DRC8: variants seen among roughly 807,000 people sequenced by gnomAD.
The protein encoded by DRC8 is dynein regulatory complex subunit 8, also known as dynein regulatory complex protein 8.
At chr1:245,110,955 C>A in the DRC8 span, among the ~76,000 whole-genome samples, 567 of 152,218 alleles carry the variant, frequency 3.7e-3, no homozygotes, top group African/African-American at 0.012. Context: ...GAAGAAACTT[C>A]TACCTATGTC....
chr1:245,105,635 AAAAC>A, the DRC8 span, among the ~76,000 whole-genome samples: 2 of 150,974 alleles, frequency 1.3e-5, no homozygotes, highest in African/African-American at 2.4e-5. Context: ...AAAAAAAAAA[AAAAC>A]AAAAAACAAA....
At chr1:244,969,735 CCA>C in the DRC8 span, 1 of 199,236 alleles carries the variant, frequency 5.0e-6, no homozygotes, top group Non-Finnish European at 1.0e-5. Context: ...TGCGCCCGGC[CCA>C]GTTTTTCCGT....
At chr1:245,116,181 C>G in the DRC8 span, among the ~76,000 whole-genome samples, 3 of 151,908 alleles carry the variant, frequency 2.0e-5, no homozygotes, top group Admixed American at 1.3e-4. Flanking sequence ...AGCCACTGTG[C>G]CTGGCCTAAA....
chr1:245,119,344 GT>G, the DRC8 span, among the ~76,000 whole-genome samples: 11 of 147,828 alleles, frequency 7.4e-5, no homozygotes, highest in African/African-American at 2.0e-4. Context: ...AAATTGGAGA[GT>G]TTTTTTTTTT....
chr1:244,997,978 A>T, the DRC8 span, among the ~76,000 whole-genome samples: 2 of 152,012 alleles, frequency 1.3e-5, no homozygotes, highest in Non-Finnish European at 2.9e-5. Flanking sequence ...CTCTTCCACT[A>T]TCATTCTGGG....
chr1:245,010,792 C>G, the DRC8 span, among the ~76,000 whole-genome samples: 3 of 151,210 alleles, frequency 2.0e-5, no homozygotes, highest in African/African-American at 7.3e-5. Flanking sequence ...CGCCATTCTC[C>G]TGCCTCAGCC....
chr1:245,121,392 T>A, the DRC8 span, among the ~76,000 whole-genome samples: 1 of 152,226 alleles, frequency 6.6e-6, no homozygotes, highest in Non-Finnish European at 1.5e-5. Flanking sequence ...GATGCCATGA[T>A]CAGAATCCAA....
At chr1:245,042,905 A>G in the DRC8 span, among the ~76,000 whole-genome samples, 1 of 152,134 alleles carries the variant, frequency 6.6e-6, no homozygotes, top group Non-Finnish European at 1.5e-5. Context: ...CCAAGAACCA[A>G]GCTTCCCCGG....
the DRC8 span, among the ~76,000 whole-genome samples, chr1:245,114,444 GACA>G: frequency 6.6e-6 from 1 of 150,898 alleles, no homozygotes; most frequent in African/African-American, 2.5e-5. Context: ...CAGCCTGGGC[GACA>G]GAGTGAGACT....
the DRC8 span, among the ~76,000 whole-genome samples, chr1:244,975,310 C>T: frequency 6.6e-6 from 1 of 152,106 alleles, no homozygotes; most frequent in Non-Finnish European, 1.5e-5. Context: ...CCTGCCTGGC[C>T]TCATAGTAAC....
the DRC8 span, among the ~76,000 whole-genome samples, chr1:245,006,970 A>AC: frequency 0.51 from 72,640 of 143,536 alleles, 18,776 homozygotes; most frequent in East Asian, 0.68. Context: ...AACAACAACA[A>AC]AAAACCCCAG....
chr1:245,056,885 C>T, the DRC8 span, among the ~76,000 whole-genome samples: 3 of 135,480 alleles, frequency 2.2e-5, no homozygotes, highest in Admixed American at 8.6e-5. Flanking sequence ...TGCAGTGAGC[C>T]GAGATTGTGC....
chr1:245,069,734 C>T, the DRC8 span, among the ~76,000 whole-genome samples: 1 of 152,172 alleles, frequency 6.6e-6, no homozygotes, highest in Non-Finnish European at 1.5e-5. Flanking sequence ...CACTGCTGTA[C>T]TGTACACTTA....
the DRC8 span, chr1:245,017,456 T>C: frequency 1.0e-6 from 1 of 978,922 alleles, no homozygotes. Flanking sequence ...TTATTTTCCA[T>C]GCTCCGTAAA....
At chr1:245,050,940 C>T in the DRC8 span, among the ~76,000 whole-genome samples, 1 of 152,100 alleles carries the variant, frequency 6.6e-6, no homozygotes, top group Non-Finnish European at 1.5e-5. Flanking sequence ...TGCAGTGCCA[C>T]GATCTCGGTT....
At chr1:245,049,831 G>A in the DRC8 span, among the ~76,000 whole-genome samples, 2 of 152,178 alleles carry the variant, frequency 1.3e-5, no homozygotes, top group Non-Finnish European at 2.9e-5. This position sits in a 1 kb window ranked among gnomAD's most constrained non-coding sequence, Gnocchi z 4.5. Flanking sequence ...TGAGAGCTAG[G>A]CTGTGTGTGT....
the DRC8 span, among the ~76,000 whole-genome samples, chr1:244,980,490 G>A: frequency 6.6e-6 from 1 of 152,220 alleles, no homozygotes; most frequent in African/African-American, 2.4e-5. Flanking sequence ...CTCCAGGTTT[G>A]TCCCAGTATA....
chr1:244,969,840 G>A, the DRC8 span: 1 of 404,258 alleles, frequency 2.5e-6, no homozygotes, highest in Non-Finnish European at 4.4e-6. Context: ...AGGCGCGGCC[G>A]TTCTGCAGCA....
At chr1:245,016,008 T>C in the DRC8 span, among the ~76,000 whole-genome samples, 5 of 147,308 alleles carry the variant, frequency 3.4e-5, no homozygotes, top group African/African-American at 1.3e-4. Flanking sequence ...AGTTTTGTTC[T>C]TGTTGCCCAG....
Sources: allele counts gnomAD v4.1 joint callset (sites outside exome capture counted in the v4.1 genomes callset), GRCh38; gene constraint gnomAD v4.1.1; non-coding constraint Gnocchi (gnomAD v3.1); transcripts MANE v1.5; gene names NCBI Gene and HGNC (gene_info 2026-07-23, HGNC 2026-07-21).